CSTA: variants seen among roughly 807,000 people sequenced by gnomAD.
CSTA encodes the protein cystatin A.
CSTA carries 9 observed loss-of-function variants against 9.2 expected under a neutral mutation model. The ratio of observed to expected loss-of-function variants is 0.97; its 90% CI spans 0.59 to 1.70. CSTA has a LOEUF of 1.70. Ranked by LOEUF, CSTA falls within the 40% of genes most tolerant of loss-of-function variation. The pLI is 0.00. For synonymous variants in CSTA, 36 were observed against 40.6 expected (o/e 0.89, Z 0.43); for missense variants, 118 against 113.1 (o/e 1.04, Z -0.20).
At chr3:122,325,406 A>C (rs558289427) in intron 1 of CSTA, 48 bp downstream of exon 1, 4 of 1,566,740 alleles carry the variant, frequency 2.6e-6, no homozygotes, top group African/African-American at 1.3e-5. Context: ...ATCTTGATTC[A>C]TAAGTTGTCC....
chr3:122,330,449 T>C (rs1226547044), intron 1 of CSTA, among the ~76,000 whole-genome samples: 1 of 152,040 alleles, frequency 6.6e-6, no homozygotes, highest in Non-Finnish European at 1.5e-5. Context: ...CCAAGGAATT[T>C]GATATCACAG....
At chr3:122,337,235 G>C (rs1454206180) in intron 1 of CSTA, among the ~76,000 whole-genome samples, 2 of 152,120 alleles carry the variant, frequency 1.3e-5, no homozygotes, top group African/African-American at 4.8e-5. Context: ...TAATCAAGTA[G>C]TAATTATTGC....
At chr3:122,340,553 C>G (rs1036704723) in intron 2 of CSTA, among the ~76,000 whole-genome samples, 3 of 152,242 alleles carry the variant, frequency 2.0e-5, no homozygotes, top group Non-Finnish European at 4.4e-5. Context: ...ATCCACCCAC[C>G]TTGGCCTCCC....
At chr3:122,334,580 A>G (rs1019289061) in intron 1 of CSTA, among the ~76,000 whole-genome samples, 4 of 152,206 alleles carry the variant, frequency 2.6e-5, no homozygotes, top group African/African-American at 9.6e-5. Context: ...TTGTATGGAC[A>G]TGCAATGCTT....
intron 1 of CSTA, among the ~76,000 whole-genome samples, chr3:122,334,779 T>G (rs756187902): frequency 2.0e-5 from 3 of 152,086 alleles, no homozygotes; most frequent in Non-Finnish European, 2.9e-5. Flanking sequence ...GGAAAACAGA[T>G]GAACAATGGA....
chr3:122,328,499 CA>C (rs34247215), intron 1 of CSTA, among the ~76,000 whole-genome samples: 9,167 of 85,844 alleles, frequency 0.11, 551 homozygotes, highest in African/African-American at 0.26. Flanking sequence ...GATTCCATCT[CA>C]AAAAAAAAAA....
chr3:122,328,050 TAAGAACAGCTACCTCACCCCAGAAAGGGG>T (rs2075180443), intron 1 of CSTA, among the ~76,000 whole-genome samples: 1 of 152,176 alleles, frequency 6.6e-6, no homozygotes, highest in Admixed American at 6.5e-5. Flanking sequence ...AGATAAGTAT[TAAGAACAGCTACCTCACCCCAGAAAGGGG>T]TTTTGCAGTT....
At chr3:122,325,424 A>C in intron 1 of CSTA, 66 bp downstream of exon 1, 1 of 1,487,402 alleles carries the variant, frequency 6.7e-7, no homozygotes, top group Non-Finnish European at 9.4e-7. Flanking sequence ...TCCCTGTGGA[A>C]AGGCTGTGGT....
chr3:122,338,499 CAAA>C (rs58446448), intron 2 of CSTA, among the ~76,000 whole-genome samples: 69 of 140,066 alleles, frequency 4.9e-4, no homozygotes, highest in Middle Eastern at 3.7e-3. Context: ...ATTTTTTCAG[CAAA>C]AAAAAAAAAA....
intron 1 of CSTA, among the ~76,000 whole-genome samples, chr3:122,335,010 G>A (rs543122727): frequency 2.0e-5 from 3 of 152,228 alleles, no homozygotes; most frequent in Non-Finnish European, 2.9e-5. Flanking sequence ...CCTCCACCCC[G>A]GCAGAAGACG....
At chr3:122,334,409 C>T (rs866909726) in intron 1 of CSTA, among the ~76,000 whole-genome samples, 1 of 151,932 alleles carries the variant, frequency 6.6e-6, no homozygotes, top group East Asian at 1.9e-4. Context: ...TCCGGGAATT[C>T]GAGGCTGCAG....
Position 122,341,662 on chromosome 3 carries a change from C to T in CSTA, c.*95C>T. 2.1e-6 allele frequency: 3 copies of T among 1,424,166 alleles called. No homozygotes were observed. The highest frequency in any genetic ancestry group is 1.9e-5 in the Admixed American group (1 of 53,782). 88.2% of individuals were successfully genotyped at this position (1,424,166 alleles called of 1,614,324 possible). On this transcript the variant is annotated 3_prime_UTR_variant, in exon 3 of 3. Coordinates refer to ENST00000264474, the MANE Select transcript of CSTA (RefSeq NM_005213.4). The stretch of plus-strand genomic sequence containing the variant: ...ACCATCAATAAAGAAGCATTCTTTT[C>T]CAAAGAAATTATTTCTTCAATTATT...
intron 1 of CSTA, among the ~76,000 whole-genome samples, chr3:122,326,009 T>TTTTTG (rs1215940750): frequency 1.3e-5 from 2 of 152,134 alleles, no homozygotes; most frequent in Non-Finnish European, 2.9e-5. Context: ...CACTTCTTCT[T>TTTTTG]TTTTGTTTTG....
chr3:122,327,030 C>T (rs186679870), intron 1 of CSTA, among the ~76,000 whole-genome samples: 88 of 148,674 alleles, frequency 5.9e-4, no homozygotes, highest in African/African-American at 1.9e-3. Flanking sequence ...ACAAGGTCAG[C>T]AGTTCGAGAC....
chr3:122,339,089 G>A (rs2075250893), intron 2 of CSTA, among the ~76,000 whole-genome samples: 2 of 152,080 alleles, frequency 1.3e-5, no homozygotes, highest in Non-Finnish European at 2.9e-5. Flanking sequence ...TGCCAGTGAT[G>A]TGACCTTCTC....
chr3:122,333,585 A>AAGAG (rs1559981616), intron 1 of CSTA, among the ~76,000 whole-genome samples: 3 of 146,778 alleles, frequency 2.0e-5, no homozygotes, highest in Non-Finnish European at 3.0e-5. Context: ...GAAAGAAAGA[A>AAGAG]AGAAAGAAGA....
intron 1 of CSTA, among the ~76,000 whole-genome samples, chr3:122,329,804 G>C (rs1388476419): frequency 6.6e-6 from 1 of 152,160 alleles, no homozygotes; most frequent in Non-Finnish European, 1.5e-5. Flanking sequence ...ATAATCACAG[G>C]TTTTGGACCA....
At chr3:122,330,533 T>A (rs1419444737) in intron 1 of CSTA, among the ~76,000 whole-genome samples, 1 of 152,240 alleles carries the variant, frequency 6.6e-6, no homozygotes, top group Non-Finnish European at 1.5e-5. Context: ...AAAACTTGAA[T>A]GTTTTTGAAG....
At chr3:122,326,870 C>T (rs2107664610) in intron 1 of CSTA, among the ~76,000 whole-genome samples, 1 of 152,290 alleles carries the variant, frequency 6.6e-6, no homozygotes, top group Non-Finnish European at 1.5e-5. Context: ...CTGCTGCTGC[C>T]ACCCATGGCC....
Sources: gnomAD v4.1 joint callset for allele counts (sites outside exome capture counted in the v4.1 genomes callset) on GRCh38, gnomAD v4.1.1 for gene constraint, MANE v1.5 for transcripts, NCBI Gene and HGNC (gene_info 2026-07-23, HGNC 2026-07-21) for gene names.